Variants in TMEM243 observed in about 807,000 individuals in gnomAD.
TMEM243 encodes MDR1 and mitochondrial taxol resistance associated.
A neutral mutation model predicts 15.0 loss-of-function variants in TMEM243; 20 were observed. The ratio of observed to expected loss-of-function variants is 1.33; its 90% CI spans 0.94 to 1.93. The LOEUF is 1.93. Ranked by LOEUF, TMEM243 falls within the 30% of genes most tolerant of loss-of-function variation. The pLI is 0.00. For missense variants in TMEM243, 156 were observed against 142.1 expected (o/e 1.10, Z -0.50); for synonymous variants, 72 against 52.7 (o/e 1.37, Z -1.59).
chr7:87,213,353 A>T (rs1259189796), intron 1 of TMEM243, among the ~76,000 whole-genome samples: 1 of 152,268 alleles, frequency 6.6e-6, no homozygotes, highest in Non-Finnish European at 1.5e-5. Flanking sequence ...ACACAAAAAA[A>T]GGCAAAGTTG....
chr7:87,205,304 T>C (rs1802125913), intron 1 of TMEM243, among the ~76,000 whole-genome samples: 2 of 152,082 alleles, frequency 1.3e-5, no homozygotes, highest in African/African-American at 2.4e-5. Context: ...CTCTTACTTG[T>C]GCAAATTTCC....
At chr7:87,196,921 C>A (rs920829775) in intron 3 of TMEM243, among the ~76,000 whole-genome samples, 163 bp from the exon 4 acceptor site, 2 of 151,258 alleles carry the variant, frequency 1.3e-5, no homozygotes, top group Admixed American at 1.3e-4. Context: ...GAATTTAATT[C>A]TTACTCTGAG....
At chr7:87,210,753 G>A (rs959130430) in intron 1 of TMEM243, among the ~76,000 whole-genome samples, 7 of 152,218 alleles carry the variant, frequency 4.6e-5, no homozygotes, top group South Asian at 2.1e-4. Flanking sequence ...ACAGGCTGGC[G>A]CTGAGTGTCT....
chr7:87,209,252 C>T (rs936274127), intron 1 of TMEM243, among the ~76,000 whole-genome samples: 2 of 150,710 alleles, frequency 1.3e-5, no homozygotes, highest in East Asian at 3.9e-4. Context: ...AACTTACAAT[C>T]ATGGTGGAAT....
intron 1 of TMEM243, among the ~76,000 whole-genome samples, chr7:87,209,065 C>G (rs1384020815): frequency 6.6e-6 from 1 of 152,234 alleles, no homozygotes; most frequent in African/African-American, 2.4e-5. Flanking sequence ...TGGACTGCCC[C>G]TGCTTCTCTC....
intron 2 of TMEM243, chr7:87,198,665 C>G (rs1801560403): frequency 3.1e-6 from 1 of 318,480 alleles, no homozygotes; most frequent in Non-Finnish European, 5.8e-6. Context: ...TAAAACTTGA[C>G]CAAAGGGTAA....
intron 1 of TMEM243, among the ~76,000 whole-genome samples, chr7:87,204,269 CAGG>C (rs1438429754): frequency 6.6e-6 from 1 of 152,210 alleles, no homozygotes; most frequent in East Asian, 1.9e-4. Context: ...AGCTACAATT[CAGG>C]AGGAGATTTG....
At chr7:87,208,558 C>CCAG in intron 1 of TMEM243, among the ~76,000 whole-genome samples, 1 of 152,344 alleles carries the variant, frequency 6.6e-6, no homozygotes, top group Admixed American at 6.5e-5. Context: ...CTTCTAGATA[C>CCAG]CAGCAATAGG....
chr7:87,198,960 C>T, intron 2 of TMEM243, 47 bp downstream of exon 2: 1 of 1,496,396 alleles, frequency 6.7e-7, no homozygotes, highest in Non-Finnish European at 8.9e-7. Flanking sequence ...ATAAAGTTTT[C>T]AAAACTGGCT....
chr7:87,216,432 T>C (rs2129240020), intron 1 of TMEM243, among the ~76,000 whole-genome samples: 1 of 152,260 alleles, frequency 6.6e-6, no homozygotes, highest in South Asian at 2.1e-4. Context: ...AGTTACAAAG[T>C]GAGACACTGC....
upstream of TMEM243, chr7:87,219,845 C>G: frequency 2.9e-6 from 1 of 343,764 alleles, no homozygotes; most frequent in Non-Finnish European, 5.4e-6. Flanking sequence ...CCCCTCTGGG[C>G]CGCCAGGGTA....
chr7:87,214,770 G>A (rs1308096832), intron 1 of TMEM243, among the ~76,000 whole-genome samples: 3 of 152,096 alleles, frequency 2.0e-5, no homozygotes, highest in African/African-American at 4.8e-5. Context: ...GACCAGAAGC[G>A]TTTCTGATTT....
intron 3 of TMEM243, chr7:87,197,567 T>G (rs1033913292): frequency 4.9e-6 from 2 of 408,818 alleles, no homozygotes; most frequent in African/African-American, 4.1e-5. Flanking sequence ...AAATCCAGAG[T>G]GCTCTATCTC....
intron 1 of TMEM243, among the ~76,000 whole-genome samples, chr7:87,214,559 C>T (rs1062274): frequency 0.028 from 4,207 of 152,236 alleles, 82 homozygotes; most frequent in East Asian, 0.065. Context: ...AAAGGCCACA[C>T]CACCTAAACA....
At chr7:87,196,987 T>G (rs1801333380) in intron 3 of TMEM243, among the ~76,000 whole-genome samples, 2 of 152,026 alleles carry the variant, frequency 1.3e-5, no homozygotes, top group Non-Finnish European at 2.9e-5. Context: ...TTCCTCTATA[T>G]TCACACCTGT....
At chr7:87,202,184 TTACAC>T (rs1801865199) in intron 1 of TMEM243, among the ~76,000 whole-genome samples, 1 of 152,156 alleles carries the variant, frequency 6.6e-6, no homozygotes. Context: ...TTCCAGAAGT[TTACAC>T]TATCCAGAGT....
chr7:87,198,933 A>G, intron 2 of TMEM243, 74 bp downstream of exon 2: 2 of 1,342,346 alleles, frequency 1.5e-6, no homozygotes, highest in Non-Finnish European at 2.0e-6. Context: ...CTTTTTTTGG[A>G]AAGTTAACCA....
chr7:87,196,704 A>G lies in TMEM243; in HGVS notation c.289T>C (p.Tyr97His), dbSNP rs762154840. Residue 97 changes from tyrosine to histidine, a missense_variant, in exon 4 of 4, where the codon TAT becomes CAT. By Grantham distance (83) the Tyr-to-His change is moderately conservative. Coordinates refer to ENST00000257637, the MANE Select transcript of TMEM243 (RefSeq NM_024315.4). ...LEPKFRKLIY[Y>H]IIFSIIMLCI... ...AACATGATGATAGAAAATATGATAT[A>G]GTAAATTAGCTTTCTAAATTTCGGT... 8 of 1,608,882 alleles carry G rather than the reference A, an allele frequency of 5.0e-6. No homozygotes were observed. In the Admixed American group the frequency reaches 1.3e-4, roughly 27 times the overall value.
chr7:87,214,960 A>G (rs1410541673), intron 1 of TMEM243, among the ~76,000 whole-genome samples: 1 of 152,126 alleles, frequency 6.6e-6, no homozygotes, highest in Admixed American at 6.5e-5. Flanking sequence ...TTTTGTGTGG[A>G]AATTCCCACT....
Sources: allele counts gnomAD v4.1 joint callset (sites outside exome capture counted in the v4.1 genomes callset), GRCh38; gene constraint gnomAD v4.1.1; transcripts MANE v1.5; gene names NCBI Gene and HGNC (gene_info 2026-07-23, HGNC 2026-07-21).